Variants in RIT2 observed in about 807,000 individuals in gnomAD.
RIT2 encodes Ras like without CAAX 2.
A neutral mutation model predicts 23.7 loss-of-function variants in RIT2; 24 were observed. That is an observed-to-expected ratio of 1.01 (90% confidence interval 0.73 to 1.43). RIT2 has a LOEUF of 1.43. Ranked by LOEUF, RIT2 falls within the 40% of genes most tolerant of loss-of-function variation. The pLI, the probability that RIT2 is intolerant of heterozygous loss-of-function variation, is 0.00. For synonymous variants in RIT2, 107 were observed against 91.1 expected (o/e 1.17, Z -0.99); for missense variants, 236 against 266.9 (o/e 0.88, Z 0.81).
intron 4 of RIT2, among the ~76,000 whole-genome samples, chr18:42,826,106 T>A (rs1906290119): frequency 6.6e-6 from 1 of 152,058 alleles, no homozygotes; most frequent in South Asian, 2.1e-4. Context: ...AATTAGTCAA[T>A]TAAAATTATT....
intron 1 of RIT2, among the ~76,000 whole-genome samples, chr18:43,063,239 G>T (rs999573619): frequency 6.6e-6 from 1 of 152,072 alleles, no homozygotes; most frequent in Non-Finnish European, 1.5e-5. Flanking sequence ...TGGAGAAGGG[G>T]TGGTTTAAAA....
intron 4 of RIT2, among the ~76,000 whole-genome samples, chr18:42,761,113 G>A (rs1821004): frequency 2.1e-3 from 316 of 152,292 alleles, no homozygotes; most frequent in South Asian, 4.4e-3. Context: ...GTTGAGAGAC[G>A]TAGATATTGT....
chr18:42,823,688 T>C lies in RIT2; in HGVS notation c.427-79968A>G, dbSNP rs117984302. Among the ~76,000 whole-genome samples the C allele has an allele frequency of 1.6e-4, 25 of 152,280 alleles. No individual in the cohort carries two copies. In the East Asian group the frequency reaches 4.8e-3, roughly 29 times the overall value. On this transcript the variant is annotated intron_variant, in intron 4 of 4. Transcript: ENST00000326695. ...AATACTAGTAAGTACATGTATAATT[T>C]ATTATACGTCTATTATGCACCAGTA... is the stretch of plus-strand genomic sequence containing the variant.
At chr18:42,899,573 G>A (rs1908421443) in intron 4 of RIT2, among the ~76,000 whole-genome samples, 1 of 151,920 alleles carries the variant, frequency 6.6e-6, no homozygotes, top group South Asian at 2.1e-4. Flanking sequence ...CTTCTCATGA[G>A]AGCTATAGTG....
chr18:42,958,412 G>A (rs1455543966), intron 3 of RIT2, among the ~76,000 whole-genome samples: 1 of 152,042 alleles, frequency 6.6e-6, no homozygotes, highest in Admixed American at 6.6e-5. Flanking sequence ...CAGTTACTGG[G>A]ATAAGAATGA....
intron 1 of RIT2, among the ~76,000 whole-genome samples, chr18:43,076,105 T>C (rs908404721): frequency 5.9e-5 from 9 of 152,198 alleles, no homozygotes; most frequent in Admixed American, 2.6e-4. Context: ...CTAAGCTCTA[T>C]TCAATTTCCT....
At chr18:42,818,599 T>C (rs1293406129) in intron 4 of RIT2, among the ~76,000 whole-genome samples, 1 of 152,002 alleles carries the variant, frequency 6.6e-6, no homozygotes, top group Non-Finnish European at 1.5e-5. Flanking sequence ...CATTAATGGA[T>C]CACGTTCACT....
rs58724224 is a variant in RIT2, at chr18:42,996,175, C to T, written c.161-22028G>A. On this transcript the variant is annotated intron_variant, in intron 2 of 4. Transcript: ENST00000326695. ...GGCCATCATCAATAATTCTAAATGA[C>T]AAATGTTTCTTCTAACAGTCCCACA... Among the ~76,000 whole-genome samples the T allele has an allele frequency of 1.7e-3, 254 of 152,142 alleles. 1 individual carries two copies. Among genetic ancestry groups the T allele is most frequent in the African/African-American group, 5.9e-3 (244 of 41,504 alleles).
intron 4 of RIT2, among the ~76,000 whole-genome samples, chr18:42,869,672 T>A (rs187980176): frequency 2.0e-3 from 305 of 152,270 alleles, no homozygotes; most frequent in African/African-American, 6.8e-3. Context: ...AACTTTCCAT[T>A]CCTGTATGGT....
At chr18:42,835,409 A>G (rs1906568930) in intron 4 of RIT2, among the ~76,000 whole-genome samples, 1 of 152,092 alleles carries the variant, frequency 6.6e-6, no homozygotes, top group South Asian at 2.1e-4. Flanking sequence ...CTGGAAACCT[A>G]TGTTCTATAT....
intron 4 of RIT2, among the ~76,000 whole-genome samples, chr18:42,857,954 G>A (rs928318718): frequency 3.3e-5 from 5 of 152,190 alleles, no homozygotes; most frequent in African/African-American, 1.2e-4. Flanking sequence ...GCCAAGGCGG[G>A]TGCATCATCT....
intron 1 of RIT2, among the ~76,000 whole-genome samples, chr18:43,037,188 G>T (rs1183133088): frequency 2.6e-5 from 4 of 152,136 alleles, no homozygotes; most frequent in Non-Finnish European, 4.4e-5. Context: ...ACACAATATT[G>T]AGAAATAGGT....
chr18:43,081,764 C>T (rs1913163104), intron 1 of RIT2, among the ~76,000 whole-genome samples: 1 of 152,174 alleles, frequency 6.6e-6, no homozygotes, highest in South Asian at 2.1e-4. Context: ...TATTTTTAAT[C>T]AACACAATAA....
intron 1 of RIT2, among the ~76,000 whole-genome samples, chr18:43,046,882 G>T (rs766293990): frequency 4.1e-4 from 63 of 152,052 alleles, no homozygotes; most frequent in Middle Eastern, 3.2e-3. Context: ...TTTATAGTAT[G>T]GTAGATATCA....
chr18:42,766,493 A>G (rs1404878684), intron 4 of RIT2, among the ~76,000 whole-genome samples: 2 of 152,218 alleles, frequency 1.3e-5, no homozygotes. Context: ...AGCATTCAAA[A>G]TGTGTCTTGG....
intron 1 of RIT2, among the ~76,000 whole-genome samples, chr18:43,074,574 C>CT (rs1598772193): frequency 1.3e-5 from 2 of 152,058 alleles, no homozygotes; most frequent in East Asian, 3.9e-4. Context: ...TGCCTTATGA[C>CT]TTTTTTTAAG....
intron 4 of RIT2, among the ~76,000 whole-genome samples, chr18:42,838,380 G>T (rs2144020174): frequency 6.6e-6 from 1 of 151,870 alleles, no homozygotes; most frequent in East Asian, 1.9e-4. Flanking sequence ...GAATCCTGAT[G>T]GATTTTTAAA....
intron 1 of RIT2, among the ~76,000 whole-genome samples, chr18:43,059,642 G>A (rs1158782199): frequency 3.9e-5 from 6 of 151,962 alleles, no homozygotes; most frequent in South Asian, 2.1e-4. Context: ...ATCTCCTTTC[G>A]AACTTCAGTA....
intron 4 of RIT2, among the ~76,000 whole-genome samples, chr18:42,749,216 A>G (rs1912988383): frequency 6.6e-6 from 1 of 151,960 alleles, no homozygotes. Context: ...TATGTATTTA[A>G]ATAGTCAATA....
Sources: gnomAD v4.1 joint callset for allele counts (sites outside exome capture counted in the v4.1 genomes callset) on GRCh38, gnomAD v4.1.1 for gene constraint, MANE v1.5 for transcripts, NCBI Gene and HGNC (gene_info 2026-07-23, HGNC 2026-07-21) for gene names.